Variants in NOL10 observed in about 807,000 individuals in gnomAD.
NOL10 encodes the protein H_NH0074G24.1.
A neutral mutation model predicts 103.5 loss-of-function variants in NOL10; 58 were observed. That is an observed-to-expected ratio of 0.56 (90% CI 0.45 to 0.70). NOL10 has a LOEUF of 0.70. Among genes scored for constraint, NOL10 ranks in the 30% least tolerant of loss-of-function variants. The pLI, the probability that NOL10 is intolerant of heterozygous loss-of-function variation, is 0.00. For synonymous variants in NOL10, 287 were observed against 282.5 expected (o/e 1.02, Z -0.16); for missense variants, 763 against 807.3 (o/e 0.95, Z 0.67).
chr2:10,645,312 C>T (rs1039722568), intron 12 of NOL10, among the ~76,000 whole-genome samples: 3 of 152,024 alleles, frequency 2.0e-5, no homozygotes, highest in Non-Finnish European at 4.4e-5. Context: ...CAAGAGGAAT[C>T]CACAGAGAGA....
intron 13 of NOL10, among the ~76,000 whole-genome samples, chr2:10,618,297 T>C (rs2148214636): frequency 6.6e-6 from 1 of 152,260 alleles, no homozygotes; most frequent in East Asian, 1.9e-4. Context: ...TCCTTTAATG[T>C]AGGAGCCCCC....
At chr2:10,574,110 T>A (rs1469118612) in intron 20 of NOL10, among the ~76,000 whole-genome samples, 1 of 152,202 alleles carries the variant, frequency 6.6e-6, no homozygotes, top group Non-Finnish European at 1.5e-5. Flanking sequence ...AGGTGTATAA[T>A]TTTTACCCGC....
At chr2:10,683,821 A>G (rs1681951904) in intron 2 of NOL10, among the ~76,000 whole-genome samples, 1 of 152,220 alleles carries the variant, frequency 6.6e-6, no homozygotes, top group African/African-American at 2.4e-5. Context: ...TGTTCATGCT[A>G]TCTACTGTGC....
At chr2:10,587,154 TATACACATATATAC>T (rs1245098586) in intron 19 of NOL10, among the ~76,000 whole-genome samples, 1 of 35,316 alleles carries the variant, frequency 2.8e-5, no homozygotes, top group Non-Finnish European at 5.5e-5. Context: ...TATATACATA[TATACACATATATAC>T]ACATATATAT....
At chr2:10,591,833 G>A (rs766735110) in intron 17 of NOL10, among the ~76,000 whole-genome samples, 1 of 151,954 alleles carries the variant, frequency 6.6e-6, no homozygotes, top group Non-Finnish European at 1.5e-5. Context: ...GTGAGACGCT[G>A]TCTATACAAA....
chr2:10,621,112 G>A (rs1368187438), intron 13 of NOL10, among the ~76,000 whole-genome samples: 2 of 151,704 alleles, frequency 1.3e-5, no homozygotes, highest in Non-Finnish European at 2.9e-5. Context: ...TCATTTTTTA[G>A]TGAAGTTTTA....
chr2:10,676,742 A>C (rs1681335054), intron 3 of NOL10, among the ~76,000 whole-genome samples: 1 of 150,064 alleles, frequency 6.7e-6, no homozygotes, highest in African/African-American at 2.5e-5. Flanking sequence ...GGTTCAAGCT[A>C]TTCTCCTGCC....
chr2:10,594,508 A>T (rs1159528193), intron 17 of NOL10, among the ~76,000 whole-genome samples: 1 of 152,202 alleles, frequency 6.6e-6, no homozygotes, highest in African/African-American at 2.4e-5. Context: ...CTTCTTCAGG[A>T]AGGTAAATAA....
At chr2:10,688,504 G>A (rs541780636) in intron 1 of NOL10, among the ~76,000 whole-genome samples, 3 of 152,230 alleles carry the variant, frequency 2.0e-5, no homozygotes, top group Admixed American at 6.5e-5. Flanking sequence ...ATCTTCACAC[G>A]ACTGGCTCCT....
intron 9 of NOL10, 22 bp downstream of exon 9, chr2:10,662,937 T>A: frequency 6.4e-7 from 1 of 1,563,922 alleles, no homozygotes; most frequent in Non-Finnish European, 8.8e-7. Context: ...AACATTTACA[T>A]TGCAAATTAA....
At chr2:10,583,067 G>A (rs540339682) in intron 19 of NOL10, among the ~76,000 whole-genome samples, 4 of 152,242 alleles carry the variant, frequency 2.6e-5, no homozygotes, top group East Asian at 1.9e-4. Context: ...TCTCTACTCC[G>A]ATGGGTGTCA....
At chr2:10,621,074 G>A (rs958717694) in intron 13 of NOL10, among the ~76,000 whole-genome samples, 12 of 152,232 alleles carry the variant, frequency 7.9e-5, no homozygotes, top group East Asian at 3.9e-4. Flanking sequence ...GATTACAGGC[G>A]TGCGTCACTG....
chr2:10,633,201 CTG>C (rs1677955786), intron 13 of NOL10, among the ~76,000 whole-genome samples: 1 of 151,948 alleles, frequency 6.6e-6, no homozygotes, highest in Non-Finnish European at 1.5e-5. Flanking sequence ...CAGAACTTGG[CTG>C]TGTCTGTCTT....
At chr2:10,607,432 T>C (rs1676317635) in intron 13 of NOL10, 121 bp from the exon 14 acceptor site, 1 of 1,058,944 alleles carries the variant, frequency 9.4e-7, no homozygotes, top group Admixed American at 3.1e-5. Context: ...TCAGAAGTAT[T>C]GACAAATGGA....
At chr2:10,572,232 T>C in intron 20 of NOL10, 42 bp from the exon 21 acceptor site, 1 of 1,606,858 alleles carries the variant, frequency 6.2e-7, no homozygotes, top group Non-Finnish European at 8.5e-7. Flanking sequence ...AGAGAGAAAA[T>C]TCTATACCTC....
chr2:10,656,855 C>T (rs149220932), intron 11 of NOL10, among the ~76,000 whole-genome samples: 10 of 152,306 alleles, frequency 6.6e-5, no homozygotes, highest in Non-Finnish European at 1.5e-4. Context: ...ATACTGAATG[C>T]ATTTTTCCCA....
chr2:10,584,957 T>C (rs776865546), intron 19 of NOL10, among the ~76,000 whole-genome samples: 1 of 152,170 alleles, frequency 6.6e-6, no homozygotes, highest in Non-Finnish European at 1.5e-5. Context: ...TTAGAGAGAT[T>C]AGTCAGACCG....
intron 19 of NOL10, among the ~76,000 whole-genome samples, chr2:10,582,370 C>T (rs372180639): frequency 6.6e-6 from 1 of 152,204 alleles, no homozygotes; most frequent in East Asian, 1.9e-4. Context: ...TCAAAGAATG[C>T]TTTCATAAAT....
Position 10,638,330 on chromosome 2 carries a change from GACGTAACGTA to G in NOL10, c.1026+5980_1026+5989del, listed in dbSNP as rs3061339. On this transcript the variant is annotated intron_variant, in intron 13 of 20. Coordinates refer to ENST00000381685, the MANE Select transcript of NOL10 (RefSeq NM_024894.4). ...GACGTGACGTGACGTGACGTGACGT[GACGTAACGTA>G]ACGTAACGTAACGTAACGTAACAGT... 8.8e-4 allele frequency among the ~76,000 whole-genome samples: 82 copies of G among 92,820 alleles called. 1 individual carries two copies. In the South Asian group the frequency reaches 0.01, roughly 12 times the overall value. 60.9% of individuals were successfully genotyped at this position (92,820 alleles called of 152,430 possible). A position where few individuals can be genotyped will look rare whatever the true frequency, so the allele number is the denominator to read the frequency against.
Sources: gnomAD v4.1 joint callset for allele counts (sites outside exome capture counted in the v4.1 genomes callset) on GRCh38, gnomAD v4.1.1 for gene constraint, MANE v1.5 for transcripts, NCBI Gene and HGNC (gene_info 2026-07-23, HGNC 2026-07-21) for gene names.